HS6ST3: variants seen among roughly 807,000 people sequenced by gnomAD.
HS6ST3 encodes the protein heparan-sulfate 6-O-sulfotransferase 3.
Under a neutral mutation model 36.7 loss-of-function variants are expected in HS6ST3, and 12 were observed. The ratio of observed to expected loss-of-function variants is 0.33; its 90% CI spans 0.21 to 0.53. The LOEUF is 0.53. Ranked by LOEUF, HS6ST3 falls within the 20% of genes least tolerant of loss-of-function variation. The pLI is 0.95. For missense variants in HS6ST3, 584 were observed against 640.9 expected (o/e 0.91, Z 0.96); for synonymous variants, 240 against 257.5 (o/e 0.93, Z 0.65).
intron 1 of HS6ST3, among the ~76,000 whole-genome samples, chr13:96,204,727 T>G (rs1344223241): frequency 6.6e-6 from 1 of 152,118 alleles, no homozygotes; most frequent in East Asian, 1.9e-4. Flanking sequence ...AATGGAATAA[T>G]CTGCTCCTAA....
chr13:96,125,807 T>C (rs1033785843), intron 1 of HS6ST3, among the ~76,000 whole-genome samples: 2 of 151,986 alleles, frequency 1.3e-5, no homozygotes, highest in African/African-American at 4.8e-5. Flanking sequence ...TACTTTAAGT[T>C]TTAGGGTACA....
chr13:96,501,645 C>G (rs1383401955), intron 1 of HS6ST3, among the ~76,000 whole-genome samples: 1 of 152,210 alleles, frequency 6.6e-6, no homozygotes, highest in Non-Finnish European at 1.5e-5. Context: ...AGCCTGGGTT[C>G]CTTTCTTCTA....
At chr13:96,560,424 A>G (rs1210415784) in intron 1 of HS6ST3, among the ~76,000 whole-genome samples, 3 of 152,162 alleles carry the variant, frequency 2.0e-5, no homozygotes, top group Non-Finnish European at 2.9e-5. Context: ...ATTATACTGA[A>G]CAGGGAAAAA....
At chr13:96,506,228 C>A (rs2138916487) in intron 1 of HS6ST3, among the ~76,000 whole-genome samples, 1 of 152,208 alleles carries the variant, frequency 6.6e-6, no homozygotes, top group Admixed American at 6.5e-5. Context: ...GAGAACTTTT[C>A]TTCCAAAAAC....
At chr13:96,595,430 T>G (rs1003671830) in intron 1 of HS6ST3, among the ~76,000 whole-genome samples, 9 of 152,252 alleles carry the variant, frequency 5.9e-5, no homozygotes, top group African/African-American at 1.9e-4. Flanking sequence ...TATGTTATTT[T>G]TTTTTCTCTT....
chr13:96,307,903 TTA>T (rs1476449033), intron 1 of HS6ST3, among the ~76,000 whole-genome samples: 1 of 152,076 alleles, frequency 6.6e-6, no homozygotes, highest in Non-Finnish European at 1.5e-5. Flanking sequence ...GGTTTTGACT[TTA>T]GTTTTTGCAT....
chr13:96,512,432 A>G (rs962060686), intron 1 of HS6ST3, among the ~76,000 whole-genome samples: 6 of 152,198 alleles, frequency 3.9e-5, no homozygotes, highest in Non-Finnish European at 8.8e-5. Flanking sequence ...CCAAAAATCC[A>G]TTTGGAACTC....
At chr13:96,611,666 C>G (rs1029937603) in intron 1 of HS6ST3, among the ~76,000 whole-genome samples, 48 of 152,330 alleles carry the variant, frequency 3.2e-4, no homozygotes, top group African/African-American at 1.1e-3. Context: ...TGAGTTATCA[C>G]TGAAGGACTG....
At chr13:96,254,142 G>A (rs780298172) in intron 1 of HS6ST3, among the ~76,000 whole-genome samples, 3 of 151,810 alleles carry the variant, frequency 2.0e-5, no homozygotes, top group South Asian at 2.1e-4. Context: ...CCAGCCGGGC[G>A]CGGTGGCTCA....
rs9556573 is a variant in HS6ST3 at position 96,359,049 on chromosome 13, T to C, written c.707+267480T>C. ...AAAATGAAAAGAAAAATATAAAATA[T>C]GTGTTAATGGCTTACACTCTTTCCA... On this transcript the variant is annotated intron_variant, in intron 1 of 1. Coordinates refer to ENST00000376705, the MANE Select transcript of HS6ST3 (RefSeq NM_153456.4). 9.2e-5 allele frequency among the ~76,000 whole-genome samples: 14 copies of C among 152,132 alleles called. 1 individual carries two copies. In the East Asian group the frequency reaches 2.5e-3, roughly 27 times the overall value.
At chr13:96,480,445 T>C (rs1200521550) in intron 1 of HS6ST3, among the ~76,000 whole-genome samples, 3 of 152,048 alleles carry the variant, frequency 2.0e-5, no homozygotes, top group African/African-American at 7.2e-5. Flanking sequence ...TGTGTACATG[T>C]GTTTAAGTGT....
chr13:96,428,897 T>C (rs2139473125), intron 1 of HS6ST3, among the ~76,000 whole-genome samples: 1 of 152,322 alleles, frequency 6.6e-6, no homozygotes, highest in South Asian at 2.1e-4. Flanking sequence ...CCAAGCTGCT[T>C]AAGCAGTAAA....
chr13:96,753,712 C>G (rs567859182), intron 1 of HS6ST3, among the ~76,000 whole-genome samples: 1 of 152,148 alleles, frequency 6.6e-6, no homozygotes, highest in South Asian at 2.1e-4. Flanking sequence ...TGTAACTGCA[C>G]AAGCAAGGAC....
At chr13:96,493,380 T>G (rs1345590223) in intron 1 of HS6ST3, among the ~76,000 whole-genome samples, 1 of 152,178 alleles carries the variant, frequency 6.6e-6, no homozygotes, top group East Asian at 1.9e-4. Flanking sequence ...AAATTGCCAA[T>G]AGAGCGTTTT....
At chr13:96,266,674 T>C (rs1324112185) in intron 1 of HS6ST3, among the ~76,000 whole-genome samples, 2 of 152,152 alleles carry the variant, frequency 1.3e-5, no homozygotes, top group African/African-American at 4.8e-5. Context: ...AAAATTCTTT[T>C]CATTTTCAAT....
chr13:96,606,642 G>T (rs2056440180), intron 1 of HS6ST3, among the ~76,000 whole-genome samples: 1 of 148,904 alleles, frequency 6.7e-6, no homozygotes, highest in African/African-American at 2.5e-5. Flanking sequence ...AGGGAGGGCT[G>T]AGGGACTGCC....
chr13:96,237,800 A>T (rs2054541648), intron 1 of HS6ST3, among the ~76,000 whole-genome samples: 1 of 152,152 alleles, frequency 6.6e-6, no homozygotes, highest in Non-Finnish European at 1.5e-5. Flanking sequence ...TTAGTTGACC[A>T]CTTCCTTCTT....
intron 1 of HS6ST3, among the ~76,000 whole-genome samples, chr13:96,117,992 C>G (rs1014713111): frequency 2.6e-5 from 4 of 151,956 alleles, no homozygotes; most frequent in African/African-American, 9.7e-5. Flanking sequence ...GCCTCAGCCT[C>G]CTGAGTAGCT....
chr13:96,279,193 G>A (rs2054762835), intron 1 of HS6ST3, among the ~76,000 whole-genome samples: 1 of 152,142 alleles, frequency 6.6e-6, no homozygotes, highest in African/African-American at 2.4e-5. Flanking sequence ...AGTTCACACA[G>A]ATGGTGAATG....
Sources: allele counts gnomAD v4.1 joint callset (sites outside exome capture counted in the v4.1 genomes callset), GRCh38; gene constraint gnomAD v4.1.1; transcripts MANE v1.5; gene names NCBI Gene and HGNC (gene_info 2026-07-23, HGNC 2026-07-21).